The following EDNRB variants were observed in gnomAD, a reference collection of about 807,000 sequenced individuals.
EDNRB encodes the protein Hirschsprung disease 2.
In EDNRB, 18 loss-of-function variants were observed where a neutral mutation model predicts 46.4. The ratio of observed to expected loss-of-function variants is 0.39; its 90% CI spans 0.27 to 0.57. EDNRB has a LOEUF of 0.57. EDNRB is among the 20% of genes least tolerant of loss of function. The pLI is 0.61. For synonymous variants in EDNRB, 213 were observed against 204.9 expected (o/e 1.04, Z -0.34); for missense variants, 434 against 537.5 (o/e 0.81, Z 1.90).
intron 1 of EDNRB, among the ~76,000 whole-genome samples, chr13:77,935,971 G>C (rs556605500): frequency 6.6e-6 from 1 of 152,190 alleles, no homozygotes; most frequent in Non-Finnish European, 1.5e-5. Context: ...AGGTAAAATG[G>C]GGGAATTGTA....
At chr13:77,944,974 G>A (rs1453620114) in intron 1 of EDNRB, 1 of 152,124 alleles carries the variant, frequency 6.6e-6, no homozygotes, top group Non-Finnish European at 1.5e-5. Flanking sequence ...AGGTAATTGT[G>A]TTTTTTTAGG....
At chr13:77,948,117 C>T (rs1056478074) in intron 1 of EDNRB, among the ~76,000 whole-genome samples, 1 of 152,150 alleles carries the variant, frequency 6.6e-6, no homozygotes, top group African/African-American at 2.4e-5. Context: ...AGAGTGACCT[C>T]TGAAGTATAT....
intron 1 of EDNRB, among the ~76,000 whole-genome samples, chr13:77,971,273 T>C (rs4884078): frequency 0.9 from 136,712 of 152,302 alleles, 61,429 homozygotes; most frequent in East Asian, 0.99. Flanking sequence ...GTCTAGCATT[T>C]GTTAACTAAT....
At chr13:77,906,565 A>G (rs777978412) in intron 1 of EDNRB, among the ~76,000 whole-genome samples, 3 of 152,046 alleles carry the variant, frequency 2.0e-5, no homozygotes, top group Non-Finnish European at 4.4e-5. Flanking sequence ...CTGCCATGTC[A>G]TGAGGACACT....
In EDNRB at chr13:77,926,880, G is replaced by A. The variant is rs116910483; in HGVS notation, c.-51-8256C>T. On this transcript the variant is annotated intron_variant, in intron 1 of 7. Coordinates refer to the EDNRB transcript ENST00000646948. ...AAGCCTCAGAATCAGGGCAGGAGGCGAAAGACACTTCTTACATGGTGGCAG... is the reference window on the plus strand; with the variant it reads ...AAGCCTCAGAATCAGGGCAGGAGGCAAAAGACACTTCTTACATGGTGGCAG... Among the ~76,000 whole-genome samples the A allele has an allele frequency of 6.2e-4, 95 of 152,314 alleles. 1 individual carries two copies. The East Asian group carries it at 0.016, about 26-fold the overall frequency.
chr13:77,954,943 C>T (rs1237541051), intron 1 of EDNRB, among the ~76,000 whole-genome samples: 1 of 152,166 alleles, frequency 6.6e-6, no homozygotes, highest in Non-Finnish European at 1.5e-5. Context: ...ATGTAGCTAT[C>T]TGCCTAAAAT....
chr13:77,913,692 T>C (rs1216666220), intron 1 of EDNRB, among the ~76,000 whole-genome samples: 4 of 152,146 alleles, frequency 2.6e-5, no homozygotes, highest in African/African-American at 9.7e-5. Context: ...TTTTGTTAAA[T>C]ATCATTGCCA....
At chr13:77,953,037 G>A (rs1482975439) in intron 1 of EDNRB, among the ~76,000 whole-genome samples, 2 of 152,178 alleles carry the variant, frequency 1.3e-5, no homozygotes, top group African/African-American at 4.8e-5. Context: ...AACTGTGAGA[G>A]AAAGAAAGAA....
intron 1 of EDNRB, among the ~76,000 whole-genome samples, chr13:77,973,664 A>C (rs759849658): frequency 2.0e-5 from 3 of 152,016 alleles, no homozygotes; most frequent in Non-Finnish European, 2.9e-5. Flanking sequence ...TTAAAAGTAT[A>C]TTTTACTTTT....
At chr13:77,954,822 T>A (rs181060812) in intron 1 of EDNRB, among the ~76,000 whole-genome samples, 73 of 152,228 alleles carry the variant, frequency 4.8e-4, no homozygotes, top group Middle Eastern at 6.8e-3. Flanking sequence ...TTTCTTTTTT[T>A]AAGGTTCTGT....
At chr13:77,936,486 A>G (rs943726260) in intron 1 of EDNRB, among the ~76,000 whole-genome samples, 3 of 152,182 alleles carry the variant, frequency 2.0e-5, no homozygotes, top group South Asian at 2.1e-4. Flanking sequence ...TAGCCTCCAT[A>G]TTAATTAAGA....
At chr13:77,916,495 AATCGATT>A (rs1435570627) in intron 1 of EDNRB, among the ~76,000 whole-genome samples, 1 of 152,180 alleles carries the variant, frequency 6.6e-6, no homozygotes, top group Non-Finnish European at 1.5e-5. Flanking sequence ...GGATTTCTTC[AATCGATT>A]CCCCCATTTC....
chr13:77,903,669 C>G, intron 1 of EDNRB, 62 bp from the exon 2 acceptor site: 4 of 1,386,456 alleles, frequency 2.9e-6, no homozygotes, highest in Non-Finnish European at 4.1e-6. Flanking sequence ...TGAATTGTAT[C>G]ACTTAGTGAA....
At chr13:77,913,159 C>G (rs1879654897) in intron 1 of EDNRB, among the ~76,000 whole-genome samples, 1 of 152,154 alleles carries the variant, frequency 6.6e-6, no homozygotes, top group Admixed American at 6.5e-5. Flanking sequence ...GTGTCACAAG[C>G]AGAAAATGTC....
At chr13:77,948,153 T>C (rs1376519164) in intron 1 of EDNRB, among the ~76,000 whole-genome samples, 1 of 152,200 alleles carries the variant, frequency 6.6e-6, no homozygotes, top group East Asian at 1.9e-4. Context: ...CAAAAGTCTC[T>C]GATGTGCTAG....
chr13:77,907,577 C>A (rs879142710), intron 1 of EDNRB, among the ~76,000 whole-genome samples: 1 of 151,808 alleles, frequency 6.6e-6, no homozygotes, highest in Non-Finnish European at 1.5e-5. Flanking sequence ...TCTGGAGAAC[C>A]CTGACTAATC....
At chr13:77,971,678 A>T (rs1330736398) in intron 1 of EDNRB, among the ~76,000 whole-genome samples, 1 of 151,830 alleles carries the variant, frequency 6.6e-6, no homozygotes, top group Non-Finnish European at 1.5e-5. Flanking sequence ...ACTGTCACCC[A>T]CTAAAATATT....
intron 1 of EDNRB, among the ~76,000 whole-genome samples, chr13:77,904,170 G>A (rs4885492): frequency 0.17 from 25,883 of 151,664 alleles, 2,680 homozygotes; most frequent in East Asian, 0.53. Flanking sequence ...TAGGGCTTTC[G>A]CTGTAGGTCC....
upstream of EDNRB, chr13:77,919,613 C>A (rs1203587979): frequency 3.7e-6 from 6 of 1,601,916 alleles, no homozygotes; most frequent in South Asian, 4.4e-5. Context: ...TACTTTTATT[C>A]ATTCATCCCT....
Sources: allele counts gnomAD v4.1 joint callset (sites outside exome capture counted in the v4.1 genomes callset), GRCh38; gene constraint gnomAD v4.1.1; transcripts MANE v1.5; gene names NCBI Gene and HGNC (gene_info 2026-07-23, HGNC 2026-07-21).